The following DNAH3 variants were observed in gnomAD, a reference collection of about 807,000 sequenced individuals.
The protein encoded by DNAH3 is dynein axonemal heavy chain 3, also known as axonemal beta dynein heavy chain 3.
In DNAH3, 332 loss-of-function variants were observed where a neutral mutation model predicts 432.5. The ratio of observed to expected loss-of-function variants is 0.77; its 90% CI spans 0.70 to 0.84. The LOEUF (loss-of-function observed/expected upper bound fraction) is 0.84, where lower values mean the gene tolerates loss of function less well. DNAH3 is among the 40% of genes least tolerant of loss of function. The pLI is 0.00. For missense variants in DNAH3, 4,861 were observed against 5,114.0 expected (o/e 0.95, Z 1.51); for synonymous variants, 1,956 against 1,900.2 (o/e 1.03, Z -0.76).
chr16:21,135,266 CA>C (rs1267389219), intron 6 of DNAH3, among the ~76,000 whole-genome samples: 1 of 151,896 alleles, frequency 6.6e-6, no homozygotes, highest in Non-Finnish European at 1.5e-5. Context: ...TAGATGCACA[CA>C]AAAAAACCCA....
intron 16 of DNAH3, among the ~76,000 whole-genome samples, chr16:21,103,338 G>A (rs1479538846): frequency 4.4e-5 from 6 of 134,840 alleles, no homozygotes; most frequent in Non-Finnish European, 9.6e-5. Context: ...AGAAAAGGGT[G>A]TAGAGGGTGT....
chr16:20,972,782 G>A (rs2085405760), intron 51 of DNAH3, among the ~76,000 whole-genome samples: 1 of 137,292 alleles, frequency 7.3e-6, no homozygotes, highest in Non-Finnish European at 1.5e-5. Context: ...AGGCTGGAGT[G>A]CAGTGGCATG....
intron 12 of DNAH3, 69 bp from the exon 13 acceptor site, chr16:21,112,167 G>T: frequency 4.8e-6 from 5 of 1,045,690 alleles, no homozygotes; most frequent in African/African-American, 1.6e-5. Flanking sequence ...AGTCAGAGTG[G>T]CAAATGAAGA....
Position 21,024,714 on chromosome 16 carries a change from G to A in DNAH3, c.5541-13C>T, listed in dbSNP as rs1035076035. ...GATCATCCCACACCTGGGAAGCACA[G>A]AGGACCAGTTTAGGTGCTCGCTTCT... On this transcript the variant is annotated splice_polypyrimidine_tract_variant and intron_variant, in intron 38 of 61. Transcript: ENST00000261383. The A allele has an allele frequency of 3.7e-6, 6 of 1,606,644 alleles. No individual in the cohort carries two copies. Among genetic ancestry groups the A allele is most frequent in the South Asian group, 1.1e-5 (1 of 90,886 alleles).
chr16:21,144,487 T>C (rs777632614), intron 3 of DNAH3, among the ~76,000 whole-genome samples: 14 of 152,114 alleles, frequency 9.2e-5, no homozygotes, highest in Admixed American at 2.0e-4. Flanking sequence ...CCTTCCCTAG[T>C]TGCCTTTAGA....
intron 19 of DNAH3, among the ~76,000 whole-genome samples, chr16:21,082,993 A>C (rs968251560): frequency 8.7e-6 from 1 of 114,394 alleles, no homozygotes. Flanking sequence ...TTAAATTTTT[A>C]TTATTTTTTA....
At chr16:21,111,903 T>G (rs1406881476) in intron 13 of DNAH3, 90 bp downstream of exon 13, 3 of 1,552,582 alleles carry the variant, frequency 1.9e-6, no homozygotes, top group Non-Finnish European at 2.7e-6. Flanking sequence ...ATGCTGAGCA[T>G]GGTCTATGCA....
intron 34 of DNAH3, among the ~76,000 whole-genome samples, 190 bp downstream of exon 34, chr16:21,037,571 A>T (rs1422354629): frequency 6.6e-6 from 1 of 152,196 alleles, no homozygotes; most frequent in Non-Finnish European, 1.5e-5. Context: ...CATTTTTATT[A>T]AAAATCAGGC....
intron 1 of DNAH3, among the ~76,000 whole-genome samples, chr16:21,153,087 T>C (rs1193668352): frequency 5.9e-5 from 9 of 152,212 alleles, no homozygotes; most frequent in Non-Finnish European, 1.0e-4. Flanking sequence ...GTGGAGAACC[T>C]TTATGGCTAG....
At chr16:21,021,941 T>C in intron 40 of DNAH3, 30 bp downstream of exon 40, 19 of 1,609,660 alleles carry the variant, frequency 1.2e-5, no homozygotes, top group Non-Finnish European at 1.6e-5. Context: ...CCACCCCCCA[T>C]GTGGCTTAAG....
rs1427575332 is a variant in DNAH3 at position 20,948,466 on chromosome 16, C to T, written c.11343+17G>A. The T allele has an allele frequency of 4.3e-6, 7 of 1,610,672 alleles. No individual in the cohort carries two copies. The highest frequency in any genetic ancestry group is 1.3e-5 in the African/African-American group (1 of 74,870). ...CCCTGTGGGGGAAAGAGGTAGGCCT[C>T]CCTGCCCACCCCTTACCTGGTAGGA... On this transcript the variant is annotated intron_variant, in intron 57 of 61. Coordinates refer to ENST00000261383, the Ensembl canonical transcript of DNAH3.
chr16:21,000,169 C>A, intron 43 of DNAH3, 55 bp downstream of exon 43: 1 of 1,566,990 alleles, frequency 6.4e-7, no homozygotes, highest in African/African-American at 1.3e-5. Flanking sequence ...CTATAGTTTG[C>A]TGCAGCTTAT....
chr16:20,978,358 G>A (rs1453972471), intron 50 of DNAH3, among the ~76,000 whole-genome samples: 1 of 152,044 alleles, frequency 6.6e-6, no homozygotes, highest in South Asian at 2.1e-4. Context: ...GCAAAACCCC[G>A]TCTCTACTAA....
At chr16:20,993,765 C>T (rs560640505) in intron 44 of DNAH3, among the ~76,000 whole-genome samples, 1 of 152,022 alleles carries the variant, frequency 6.6e-6, no homozygotes, top group Non-Finnish European at 1.5e-5. Context: ...CTCACCGCAG[C>T]CTTGACCTCC....
intron 38 of DNAH3, among the ~76,000 whole-genome samples, chr16:21,025,752 T>C (rs2088518586): frequency 6.6e-6 from 1 of 151,958 alleles, no homozygotes; most frequent in Admixed American, 6.6e-5. Context: ...GTTTGTTTTT[T>C]AGATGGAGTC....
At chr16:20,933,973 C>G (rs1186042249) in intron 61 of DNAH3, among the ~76,000 whole-genome samples, 1 of 152,150 alleles carries the variant, frequency 6.6e-6, no homozygotes, top group African/African-American at 2.4e-5. Flanking sequence ...ATTTAACAAC[C>G]AGCTCACAAA....
chr16:21,149,322 T>C (rs77145691), intron 1 of DNAH3, among the ~76,000 whole-genome samples: 2 of 152,228 alleles, frequency 1.3e-5, no homozygotes, highest in African/African-American at 4.8e-5. Context: ...TCAGAGCATA[T>C]TGGCTTAGTT....
In DNAH3 at chr16:21,060,258, G is replaced by C; in HGVS notation, c.3813+6C>G. 1 of 1,611,708 alleles carries C rather than the reference G, an allele frequency of 6.2e-7. No homozygotes were observed. The highest frequency in any genetic ancestry group is 8.5e-7 in the Non-Finnish European group (1 of 1,177,910). ...TCCTGGCATGTGTACCCCGGTTCTT[G>C]TTTACCTTGACATATGCTTCAATCC... On this transcript the variant is annotated splice_donor_region_variant and intron_variant, in intron 26 of 61. Coordinates refer to ENST00000261383, the Ensembl canonical transcript of DNAH3.
chr16:21,052,622 A>C (rs936980063), intron 28 of DNAH3, among the ~76,000 whole-genome samples: 1 of 152,254 alleles, frequency 6.6e-6, no homozygotes, highest in Non-Finnish European at 1.5e-5. Context: ...ATATAGGTAC[A>C]TACATACATA....
Sources: gnomAD v4.1 joint callset for allele counts (sites outside exome capture counted in the v4.1 genomes callset) on GRCh38, gnomAD v4.1.1 for gene constraint, MANE v1.5 for transcripts, NCBI Gene and HGNC (gene_info 2026-07-23, HGNC 2026-07-21) for gene names.